The following TBC1D23 variants were observed in gnomAD, a reference collection of about 807,000 sequenced individuals.
TBC1D23 encodes the protein TBC1 domain family member 23.
Under a neutral mutation model 91.4 loss-of-function variants are expected in TBC1D23, and 55 were observed. The ratio of observed to expected loss-of-function variants is 0.60; its 90% CI spans 0.48 to 0.75. TBC1D23 has a LOEUF of 0.75. Ranked by LOEUF, TBC1D23 falls within the 30% of genes least tolerant of loss-of-function variation. The probability of loss-of-function intolerance (pLI) is 0.00; values close to 1 mark genes in which losing one functional copy is unlikely to be tolerated. For missense variants in TBC1D23, 725 were observed against 836.1 expected (o/e 0.87, Z 1.64); for synonymous variants, 289 against 281.0 (o/e 1.03, Z -0.28).
chr3:100,279,047 T>C (rs1315679261), intron 1 of TBC1D23, among the ~76,000 whole-genome samples: 1 of 152,184 alleles, frequency 6.6e-6, no homozygotes, highest in African/African-American at 2.4e-5. Context: ...AACCAGACTG[T>C]TAAAATTTGA....
At chr3:100,321,925 TTC>T (rs1350274373) in intron 18 of TBC1D23, among the ~76,000 whole-genome samples, 1 of 151,918 alleles carries the variant, frequency 6.6e-6, no homozygotes, top group Admixed American at 6.6e-5. Flanking sequence ...GTCATTCTAA[TTC>T]TCTGTTAACA....
rs746998064 is a variant in TBC1D23, at chr3:100,281,744, T to C, written c.168T>C (p.Ile56=). 5.6e-6 allele frequency: 9 copies of C among 1,605,350 alleles called. No homozygotes were observed. The highest frequency in any genetic ancestry group is 7.7e-6 in the Non-Finnish European group (9 of 1,172,762). Residue 56 remains isoleucine, a splice_region_variant and synonymous_variant, in exon 3 of 19, where the codon ATT becomes ATC. Transcript: ENST00000394144. ...CACTTTTTAAATCTTTCTTCCAGAT[T>C]GCTCTGAATGTTGCAGGAAAAGGTG... is the stretch of plus-strand genomic sequence containing the variant. ...PADLRAKVWK[I]ALNVAGKGDS... is the part of the protein sequence containing the mutation.
At chr3:100,281,681 A>G in intron 2 of TBC1D23, 61 bp from the exon 3 acceptor site, 1 of 1,060,030 alleles carries the variant, frequency 9.4e-7, no homozygotes, top group Non-Finnish European at 1.5e-6. Context: ...TTATTACAGC[A>G]TATTTTCCAA....
chr3:100,309,971 TATC>T (rs1399336564), intron 13 of TBC1D23, among the ~76,000 whole-genome samples: 1 of 152,208 alleles, frequency 6.6e-6, no homozygotes, highest in African/African-American at 2.4e-5. Context: ...CGCAACAAAA[TATC>T]ATACTACAAA....
At chr3:100,302,926 A>G (rs1433647395) in intron 11 of TBC1D23, among the ~76,000 whole-genome samples, 1 of 152,178 alleles carries the variant, frequency 6.6e-6, no homozygotes, top group Non-Finnish European at 1.5e-5. Flanking sequence ...TTTATGTCCT[A>G]GTACTTTTTA....
At chr3:100,309,366 A>G (rs1705576146) in intron 13 of TBC1D23, among the ~76,000 whole-genome samples, 1 of 152,184 alleles carries the variant, frequency 6.6e-6, no homozygotes, top group South Asian at 2.1e-4. Context: ...ATTTTTGAAG[A>G]CTAGTCTGAG....
intron 5 of TBC1D23, 116 bp downstream of exon 5, chr3:100,290,817 G>T: frequency 4.6e-6 from 4 of 861,736 alleles, no homozygotes; most frequent in Non-Finnish European, 6.7e-6. Context: ...GATCATTACT[G>T]TTTAAACCAA....
At chr3:100,286,996 G>A (rs972266991) in intron 4 of TBC1D23, among the ~76,000 whole-genome samples, 2 of 151,790 alleles carry the variant, frequency 1.3e-5, no homozygotes, top group African/African-American at 4.8e-5. Context: ...TGTATTTTTA[G>A]TAGAGATGGG....
chr3:100,323,959 T>G lies in TBC1D23; in HGVS notation c.*291T>G, dbSNP rs1705910962. ...GACTAAGTAAGGGTACAGAATGCAG[T>G]TCTGTTTTGAAGAGCTGTTTTAAGG... On this transcript the variant is annotated 3_prime_UTR_variant, in exon 19 of 19. Transcript: ENST00000394144. 1 of 159,528 alleles carries G rather than the reference T, an allele frequency of 6.3e-6. No individual in the cohort carries two copies. The highest frequency in any genetic ancestry group is 1.4e-5 in the Non-Finnish European group (1 of 73,034). 9.9% of individuals were successfully genotyped at this position (159,528 alleles called of 1,614,324 possible).
Position 100,323,816 on chromosome 3 carries a change from A to G in TBC1D23, c.*148A>G, listed in dbSNP as rs1705907366. The G allele has an allele frequency of 6.3e-6, 2 of 316,038 alleles. No homozygotes were observed. The highest frequency in any genetic ancestry group is 5.1e-5 in the Admixed American group (1 of 19,790). 19.6% of individuals were successfully genotyped at this position (316,038 alleles called of 1,614,324 possible). A position where few individuals can be genotyped will look rare whatever the true frequency, so the allele number is the denominator to read the frequency against. ...TAAGAAAGTGTAAATTATTATAATC[A>G]ATCTGTGGACAGTAAACTTTTTAAA... On this transcript the variant is annotated 3_prime_UTR_variant, in exon 19 of 19. Transcript: ENST00000394144.
intron 18 of TBC1D23, 70 bp downstream of exon 18, chr3:100,321,041 G>C (rs1705849211): frequency 1.7e-6 from 2 of 1,199,418 alleles, no homozygotes; most frequent in Admixed American, 5.1e-5. Context: ...TCACTATAAA[G>C]AGTTTGTTTC....
intron 1 of TBC1D23, among the ~76,000 whole-genome samples, chr3:100,278,807 T>A (rs2067671467): frequency 6.6e-6 from 1 of 152,260 alleles, no homozygotes; most frequent in Non-Finnish European, 1.5e-5. Context: ...TCCTTAAACA[T>A]CGTAGACTGA....
intron 12 of TBC1D23, among the ~76,000 whole-genome samples, 187 bp from the exon 13 acceptor site, chr3:100,306,250 A>T (rs1705515617): frequency 6.6e-6 from 1 of 152,220 alleles, no homozygotes; most frequent in Non-Finnish European, 1.5e-5. Context: ...AGAAGGAAGA[A>T]TAGGAAGGTT....
chr3:100,305,866 G>T (rs967156180), intron 12 of TBC1D23, among the ~76,000 whole-genome samples: 3 of 152,050 alleles, frequency 2.0e-5, no homozygotes, highest in Admixed American at 2.0e-4. Flanking sequence ...TAGGAATCCT[G>T]GTAACGATAT....
chr3:100,302,304 A>AGGCCGGGCGCGGTGGCTCACGCCTG, intron 11 of TBC1D23, 67 bp downstream of exon 11: 1 of 1,328,228 alleles, frequency 7.5e-7, no homozygotes, highest in Non-Finnish European at 1.0e-6. Context: ...ATTTACATAG[A>AGGCCGGGCGCGGTGGCTCACGCCTG]TAACTTTTTG....
intron 9 of TBC1D23, among the ~76,000 whole-genome samples, chr3:100,298,583 G>A (rs1033820545): frequency 6.6e-6 from 1 of 152,204 alleles, no homozygotes; most frequent in African/African-American, 2.4e-5. Flanking sequence ...TTCCAAGGTT[G>A]AGGGCAGGAA....
rs969405982 is a variant in TBC1D23 at position 100,307,953 on chromosome 3, G to A, written c.1413+1410G>A. Among the ~76,000 whole-genome samples, 5 of 152,054 alleles carry A rather than the reference G, an allele frequency of 3.3e-5. 1 individual carries two copies. The highest frequency in any genetic ancestry group is 1.2e-4 in the African/African-American group (5 of 41,414). On this transcript the variant is annotated intron_variant, in intron 13 of 18. Coordinates refer to ENST00000394144, the MANE Select transcript of TBC1D23 (RefSeq NM_001199198.3). ...TAGACTTCTGCATTATTATCAAATG[G>A]CTCTCCAAAAAACATTCTAATTTAT...
rs111456348 is a variant in TBC1D23, at chr3:100,283,760, G to A, written c.425G>A (p.Arg142His). ...LKPLVHLQLP[R>H]SDLYNCFYAI... Reference sequence around the variant, plus strand: ...CCATTGGTGCATCTTCAACTGCCACGCAGCGATTTATACAACTGCTTTTAT... The same window carrying A: ...CCATTGGTGCATCTTCAACTGCCACACAGCGATTTATACAACTGCTTTTAT... The change falls in exon 4 of 19, where the codon CGC becomes CAC. Residue 142 changes from arginine to histidine, a missense_variant. Coordinates refer to ENST00000394144, the MANE Select transcript of TBC1D23 (RefSeq NM_001199198.3). The A allele has an allele frequency of 1.2e-5, 20 of 1,613,136 alleles. No homozygotes were observed. Among genetic ancestry groups the A allele is most frequent in the Admixed American group, 3.3e-5 (2 of 59,984 alleles).
At chr3:100,312,282 C>T (rs1705637836) in intron 15 of TBC1D23, among the ~76,000 whole-genome samples, 2 of 152,012 alleles carry the variant, frequency 1.3e-5, no homozygotes, top group Admixed American at 1.3e-4. Context: ...AAAATAGGCA[C>T]CGTTCATGGT....
Sources: allele counts gnomAD v4.1 joint callset (sites outside exome capture counted in the v4.1 genomes callset), GRCh38; gene constraint gnomAD v4.1.1; transcripts MANE v1.5; gene names NCBI Gene and HGNC (gene_info 2026-07-23, HGNC 2026-07-21).